PDCD6: variants seen among roughly 807,000 people sequenced by gnomAD.
PDCD6 encodes the protein programmed cell death 6, also known as programmed cell death protein 6.
In PDCD6, 12 loss-of-function variants were observed where a neutral mutation model predicts 28.3. The ratio of observed to expected loss-of-function variants is 0.42; its 90% CI spans 0.27 to 0.69. The LOEUF (loss-of-function observed/expected upper bound fraction) is 0.69. PDCD6 is among the 30% of genes least tolerant of loss of function. The pLI is 0.22. For missense variants in PDCD6, 226 were observed against 269.9 expected (o/e 0.84, Z 1.14); for synonymous variants, 92 against 108.0 (o/e 0.85, Z 0.92).
intron 2 of PDCD6, among the ~76,000 whole-genome samples, chr5:302,410 A>T (rs2672772): frequency 2.2e-5 from 2 of 91,430 alleles, no homozygotes; most frequent in Non-Finnish European, 3.9e-5. Context: ...TGTATGCCTC[A>T]GGTTCAGGTG....
At chr5:286,535 T>A (rs1396787115) in intron 2 of PDCD6, among the ~76,000 whole-genome samples, 2 of 150,016 alleles carry the variant, frequency 1.3e-5, no homozygotes. Flanking sequence ...ATGTTCCCAT[T>A]TGAGAGCTGT....
intron 2 of PDCD6, among the ~76,000 whole-genome samples, chr5:279,275 G>A (rs898207168): frequency 6.6e-6 from 1 of 152,118 alleles, no homozygotes; most frequent in Non-Finnish European, 1.5e-5. Flanking sequence ...GGTGTTGCTT[G>A]TGGCTGGGTG....
chr5:272,138 T>C (rs1737861445), intron 1 of PDCD6, among the ~76,000 whole-genome samples: 1 of 151,152 alleles, frequency 6.6e-6, no homozygotes, highest in African/African-American at 2.5e-5. Flanking sequence ...AGTGCGCCAC[T>C]GCAGACCCGA....
rs1171747097 is a variant in PDCD6, at chr5:307,039, G to A, written c.367+279G>A. Among the ~76,000 whole-genome samples the A allele has an allele frequency of 1.3e-5, 2 of 152,318 alleles. No individual in the cohort carries two copies. The highest frequency in any genetic ancestry group is 2.4e-5 in the African/African-American group (1 of 41,568). ...TGTCGTGAGCAAAACTGAGAATGTG[G>A]CTTTTGAAATCATTTAAAAGTGGAT... On this transcript the variant is annotated intron_variant, in intron 4 of 5. Coordinates refer to ENST00000264933, the MANE Select transcript of PDCD6 (RefSeq NM_013232.4). This position sits in a 1 kb window ranked among gnomAD's most constrained non-coding sequence, Gnocchi z 6.1.
intron 2 of PDCD6, among the ~76,000 whole-genome samples, chr5:294,370 C>T (rs1739474481): frequency 6.6e-6 from 1 of 151,228 alleles, no homozygotes; most frequent in Admixed American, 6.6e-5. Flanking sequence ...AGTAAAAGCC[C>T]CAGTATTAAA....
intron 2 of PDCD6, among the ~76,000 whole-genome samples, chr5:274,694 C>T (rs1269065383): frequency 6.6e-6 from 1 of 152,088 alleles, no homozygotes; most frequent in Non-Finnish European, 1.5e-5. Context: ...AGGCACTTAA[C>T]CCAAATCCAA....
chr5:294,405 G>A (rs1197892123), intron 2 of PDCD6, among the ~76,000 whole-genome samples: 1 of 149,958 alleles, frequency 6.7e-6, no homozygotes, highest in Non-Finnish European at 1.5e-5. Context: ...TGGAACAGAG[G>A]CCTCATCAAA....
At chr5:291,544 T>C (rs577982441) in intron 2 of PDCD6, among the ~76,000 whole-genome samples, 7 of 151,312 alleles carry the variant, frequency 4.6e-5, no homozygotes, top group South Asian at 2.1e-4. Flanking sequence ...CTCATTTTCA[T>C]TGCTGCGTGA....
chr5:299,859 T>C (rs1373592512), intron 2 of PDCD6, among the ~76,000 whole-genome samples: 1 of 151,940 alleles, frequency 6.6e-6, no homozygotes, highest in Non-Finnish European at 1.5e-5. Flanking sequence ...GGTATTTTTT[T>C]TTTTATTTTT....
intron 2 of PDCD6, chr5:288,928 A>T (rs1302592811): frequency 5.1e-6 from 8 of 1,565,180 alleles, no homozygotes; most frequent in Non-Finnish European, 6.1e-6. Flanking sequence ...CTGGAATTAG[A>T]TCCTACTAAT....
chr5:296,070 C>G (rs1271733056), intron 2 of PDCD6, among the ~76,000 whole-genome samples: 2 of 152,156 alleles, frequency 1.3e-5, no homozygotes, highest in Admixed American at 1.3e-4. Flanking sequence ...TTCACACTAC[C>G]TGGGAGGCCT....
chr5:314,094 C>A (rs1413228942), intron 5 of PDCD6, among the ~76,000 whole-genome samples: 1 of 152,194 alleles, frequency 6.6e-6, no homozygotes, highest in Non-Finnish European at 1.5e-5. Context: ...AGGGCTTCCA[C>A]GGGACGGTCT....
chr5:295,832 G>A (rs1169937900), intron 2 of PDCD6, among the ~76,000 whole-genome samples: 1 of 148,602 alleles, frequency 6.7e-6, no homozygotes, highest in Non-Finnish European at 1.5e-5. Context: ...AAGAAGGCAT[G>A]CATCAGAAGC....
At chr5:295,560 T>C (rs1304316480) in intron 2 of PDCD6, among the ~76,000 whole-genome samples, 1 of 147,184 alleles carries the variant, frequency 6.8e-6, no homozygotes, top group Non-Finnish European at 1.5e-5. Flanking sequence ...GAGATGAATC[T>C]TGCAGCTGCC....
intron 2 of PDCD6, among the ~76,000 whole-genome samples, chr5:283,230 G>A (rs1201894590): frequency 6.6e-6 from 1 of 151,502 alleles, no homozygotes; most frequent in African/African-American, 2.4e-5. Flanking sequence ...GGGAGGAGCT[G>A]ATGTTGTAGT....
intron 2 of PDCD6, among the ~76,000 whole-genome samples, chr5:293,136 C>A (rs1253770895): frequency 6.6e-6 from 1 of 152,234 alleles, no homozygotes; most frequent in African/African-American, 2.4e-5. Context: ...ACATCACAGT[C>A]CCGACTTTCC....
intron 2 of PDCD6, chr5:276,793 T>A: frequency 4.1e-6 from 4 of 985,350 alleles, no homozygotes; most frequent in Non-Finnish European, 2.4e-6. Context: ...GAGAAGGTAT[T>A]TGTGGCCCAT....
chr5:312,451 A>AAGAT (rs1432252339), intron 5 of PDCD6: 1 of 152,236 alleles, frequency 6.6e-6, no homozygotes, highest in Admixed American at 6.5e-5. Flanking sequence ...TATAATAATT[A>AAGAT]AGATGCTAGA....
intron 2 of PDCD6, chr5:276,431 C>T (rs1263608097): frequency 2.0e-6 from 2 of 988,064 alleles, no homozygotes; most frequent in Admixed American, 1.2e-4. Context: ...CTTGGATAAA[C>T]ACATATCCTC....
Sources: gnomAD v4.1 joint callset for allele counts (sites outside exome capture counted in the v4.1 genomes callset) on GRCh38, gnomAD v4.1.1 for gene constraint, Gnocchi (gnomAD v3.1) non-coding constraint, MANE v1.5 for transcripts, NCBI Gene and HGNC (gene_info 2026-07-23, HGNC 2026-07-21) for gene names.